The following KCP variants were observed in gnomAD, a reference collection of about 807,000 sequenced individuals.
The protein encoded by KCP is kielin cysteine rich BMP regulator.
In KCP, 194 loss-of-function variants were observed where a neutral mutation model predicts 212.7. The ratio of observed to expected loss-of-function variants is 0.91; its 90% confidence interval spans 0.81 to 1.03. The LOEUF is 1.03. KCP is among the 50% of genes least tolerant of loss of function. KCP has a pLI of 0.00. For synonymous variants in KCP, 833 were observed against 865.3 expected (o/e 0.96, Z 0.65); for missense variants, 2,080 against 2,162.5 (o/e 0.96, Z 0.76).
chr7:128,903,081 G>A, intron 7 of KCP: 1 of 581,744 alleles, frequency 1.7e-6, no homozygotes, highest in South Asian at 2.0e-5. Flanking sequence ...TCCGTGGACA[G>A]AGCATAGCCA....
chr7:128,908,760 G>A (rs910289020), intron 1 of KCP, among the ~76,000 whole-genome samples, 192 bp from the exon 2 acceptor site: 3 of 152,252 alleles, frequency 2.0e-5, no homozygotes, highest in African/African-American at 4.8e-5. Flanking sequence ...ACAGACATGC[G>A]CCAGGTGGAG....
Position 128,890,276 on chromosome 7 carries a change from T to C in KCP, c.2335+67A>G, listed in dbSNP as rs1316300389. 1.5e-5 allele frequency: 24 copies of C among 1,551,026 alleles called. No homozygotes were observed. In the East Asian group the frequency reaches 5.6e-4, roughly 36 times the overall value. Reference sequence around the variant, plus strand: ...TAGATCCACCCTAGGGCAGTAAAGATTATTCTGACCCAGCCCTCTGGTCTC... The same window carrying C: ...TAGATCCACCCTAGGGCAGTAAAGACTATTCTGACCCAGCCCTCTGGTCTC... On this transcript the variant is annotated intron_variant, in intron 21 of 39. Coordinates refer to ENST00000610776, the MANE Select transcript of KCP (RefSeq NM_001366122.1).
intron 2 of KCP, among the ~76,000 whole-genome samples, chr7:128,908,121 T>C: frequency 9.9e-6 from 1 of 100,932 alleles, no homozygotes. Context: ...ACATGGTGAC[T>C]CCATCTCAAA....
intron 5 of KCP, among the ~76,000 whole-genome samples, chr7:128,904,843 GT>G (rs1187862058): frequency 6.6e-6 from 1 of 152,220 alleles, no homozygotes; most frequent in African/African-American, 2.4e-5. Context: ...GCAGTAAAGT[GT>G]CCGATAGGCA....
intron 8 of KCP, among the ~76,000 whole-genome samples, chr7:128,898,344 C>T (rs1184373752): frequency 6.6e-6 from 1 of 152,336 alleles, no homozygotes; most frequent in East Asian, 1.9e-4. Context: ...GTGTGAACCA[C>T]AGCACCCAGC....
chr7:128,910,554 A>AG, intron 1 of KCP, 47 bp downstream of exon 1: 1 of 1,476,362 alleles, frequency 6.8e-7, no homozygotes, highest in Non-Finnish European at 9.0e-7. Context: ...GATAGGAGGG[A>AG]GGGGGCGCAC....
At chr7:128,881,478 C>A in intron 31 of KCP, 148 bp downstream of exon 31, 1 of 554,944 alleles carries the variant, frequency 1.8e-6, no homozygotes, top group Non-Finnish European at 3.0e-6. Context: ...AACAGCCCCC[C>A]TCCATTTCTA....
intron 16 of KCP, 57 bp downstream of exon 16, chr7:128,892,457 G>A: frequency 1.5e-6 from 2 of 1,302,534 alleles, no homozygotes; most frequent in South Asian, 3.0e-5. Context: ...CCATGGGGCT[G>A]TGGGACAGCA....
At chr7:128,893,157 C>T (rs906185147) in intron 13 of KCP, 81 bp downstream of exon 13, 28 of 1,387,808 alleles carry the variant, frequency 2.0e-5, no homozygotes, top group South Asian at 8.7e-5. Flanking sequence ...ACCCGTACCC[C>T]GTCCTGGGAA....
rs554007059 is a variant in KCP, at chr7:128,881,952, G to A, written c.3309C>T (p.Tyr1103=). 8.4e-6 allele frequency: 13 copies of A among 1,551,374 alleles called. No homozygotes were observed. The South Asian group carries it at 1.4e-4, about 17-fold the overall frequency. Residue 1103 remains tyrosine (Y), a synonymous_variant, in exon 30 of 40, where the codon TAC becomes TAT. Transcript: ENST00000610776. ...GAGGGCTCACCTGGCACTGGCACGT[G>A]TAGCAGGGGTCTGGTGGGGCTAGCT... The part of the protein sequence containing the change: ...GSELAPPDPC[Y]TCQCQDLTWL...
chr7:128,900,155 T>C (rs1794765780), intron 8 of KCP, among the ~76,000 whole-genome samples: 2 of 152,180 alleles, frequency 1.3e-5, no homozygotes, highest in Admixed American at 1.3e-4. Context: ...AAAGAGCTTA[T>C]ATAAAAAATA....
Position 128,907,152 on chromosome 7 carries a change from G to A in KCP, c.435C>T (p.Tyr145=), listed in dbSNP as rs909358331. The A allele has an allele frequency of 7.1e-6, 11 of 1,551,546 alleles. No homozygotes were observed. The East Asian group carries it at 2.0e-4, about 28-fold the overall frequency. ...CTGGGGAGAAGGTCTCCCCGTTGCC[G>A]TAGGTCTGGCCATTTTGGCTGCAGC... ...CRGCSQNGQT[Y]GNGETFSPDA... Residue 145 remains tyrosine, a synonymous_variant, in exon 4 of 40, where the codon TAC becomes TAT. Coordinates refer to ENST00000610776, the MANE Select transcript of KCP (RefSeq NM_001366122.1).
At chr7:128,889,209 CG>C (rs1228753545) in intron 21 of KCP, among the ~76,000 whole-genome samples, 170 bp from the exon 22 acceptor site, 1 of 134,016 alleles carries the variant, frequency 7.5e-6, no homozygotes, top group Non-Finnish European at 1.6e-5. Flanking sequence ...GTGAGGGGGG[CG>C]GGGTTTGGAT....
chr7:128,881,853 C>A, intron 30 of KCP, 84 bp downstream of exon 30: 7 of 1,421,804 alleles, frequency 4.9e-6, no homozygotes, highest in Non-Finnish European at 6.8e-6. Flanking sequence ...AGCCCTGGAG[C>A]TGCTGCGGGA....
chr7:128,907,575 G>A (rs1160976440), intron 2 of KCP, 122 bp from the exon 3 acceptor site: 2 of 612,058 alleles, frequency 3.3e-6, no homozygotes, highest in Non-Finnish European at 5.1e-6. Context: ...GAGCAGAGAT[G>A]GGTCCCCCTC....
rs1563034916 is a variant in KCP at position 128,890,954 on chromosome 7, G to A, written c.2115C>T (p.Pro705=). The change falls in exon 20 of 40, where the codon CCC becomes CCT. Residue 705 remains proline (P), a synonymous_variant. Transcript: ENST00000610776. ...SVSCQRLPCP[P]APCAHPRQGP... ...CCTGGCGCGGGTGCGCGCAGGGCGC[G>A]GGCGGGCAGGGCAGCCGCTGGCAGG... 1 of 1,255,662 alleles carries A rather than the reference G, an allele frequency of 8.0e-7. No individual in the cohort carries two copies. Among genetic ancestry groups the A allele is most frequent in the Non-Finnish European group, 9.9e-7 (1 of 1,005,392 alleles). 77.8% of individuals were successfully genotyped at this position (1,255,662 alleles called of 1,614,324 possible).
chr7:128,881,232 C>G, intron 31 of KCP, 147 bp from the exon 32 acceptor site: 1 of 400,382 alleles, frequency 2.5e-6, no homozygotes. Flanking sequence ...CCAATATCCA[C>G]AGGGCCTATT....
chr7:128,882,153 A>G (rs1374600363), intron 29 of KCP, 137 bp from the exon 30 acceptor site: 3 of 620,434 alleles, frequency 4.8e-6, no homozygotes, highest in Non-Finnish European at 8.7e-6. Flanking sequence ...CCTTGACTCC[A>G]GGGAGGATAA....
At chr7:128,894,141 C>T in intron 9 of KCP, 59 bp downstream of exon 9, 1 of 1,509,250 alleles carries the variant, frequency 6.6e-7, no homozygotes. Context: ...CAGGGCCACC[C>T]ATCAATTTTC....
Sources: allele counts gnomAD v4.1 joint callset (sites outside exome capture counted in the v4.1 genomes callset), GRCh38; gene constraint gnomAD v4.1.1; transcripts MANE v1.5; gene names NCBI Gene and HGNC (gene_info 2026-07-23, HGNC 2026-07-21).